TIRAP: variants seen among roughly 807,000 people sequenced by gnomAD.
The protein encoded by TIRAP is TIR domain containing adaptor protein.
In TIRAP, 20 loss-of-function variants were observed where a neutral mutation model predicts 19.8. That is an observed-to-expected ratio of 1.01 (90% CI 0.71 to 1.47). The LOEUF (loss-of-function observed/expected upper bound fraction) is 1.47. TIRAP is among the 40% of genes most tolerant of loss of function. TIRAP has a pLI of 0.00. For missense variants in TIRAP, 276 were observed against 285.1 expected (o/e 0.97, Z 0.23); for synonymous variants, 125 against 121.7 (o/e 1.03, Z -0.18).
intron 3 of TIRAP, 64 bp from the exon 4 acceptor site, chr11:126,292,413 C>T: frequency 1.3e-6 from 2 of 1,572,606 alleles, no homozygotes; most frequent in South Asian, 1.2e-5. Context: ...GGGGCTCCTC[C>T]CTGTGTGGGC....
At chr11:126,284,215 G>A (rs1396752784) in intron 1 of TIRAP, among the ~76,000 whole-genome samples, 1 of 152,008 alleles carries the variant, frequency 6.6e-6, no homozygotes, top group East Asian at 1.9e-4. Context: ...TGCATTTTCA[G>A]TAGCGACGGG....
In TIRAP at chr11:126,293,728, T is replaced by C; in HGVS notation, c.*41T>C. The C allele has an allele frequency of 6.2e-7, 1 of 1,612,586 alleles. No homozygotes were observed. Among genetic ancestry groups the C allele is most frequent in the Non-Finnish European group, 8.5e-7 (1 of 1,178,592 alleles). On this transcript the variant is annotated 3_prime_UTR_variant, in exon 5 of 5. Coordinates refer to ENST00000392679, the MANE Select transcript of TIRAP (RefSeq NM_001318777.2). ...GGGACCCCGGAAATTGGAGTGAAGC[T>C]AGAAACAGAAAACCCATGCAGGGCC...
Position 126,291,702 on chromosome 11 carries a change from C to CTTA in TIRAP, c.67+741_67+742insTTA, listed in dbSNP as rs1951390693. ...CTCCGTACCCCTTCCTTCCTGTATA[C>CTTA]GTAGCCCTTCCTAATCTAAGTCCAC... On this transcript the variant is annotated intron_variant, in intron 3 of 4. Transcript: ENST00000392679. This position sits in a 1 kb window ranked among gnomAD's most constrained non-coding sequence, Gnocchi z 5.6. 3.8e-5 allele frequency: 14 copies of CTTA among 369,756 alleles called. No individual in the cohort carries two copies. Among genetic ancestry groups the CTTA allele is most frequent in the South Asian group, 2.7e-4 (14 of 51,086 alleles). The allele number at this position is 369,756 out of a possible 1,614,324, so 22.9% of individuals were successfully genotyped here.
chr11:126,292,773 G>A lies in TIRAP; in HGVS notation c.364G>A (p.Asp122Asn). 2 of 1,613,070 alleles carry A rather than the reference G, an allele frequency of 1.2e-6. No homozygotes were observed. The highest frequency in any genetic ancestry group is 1.1e-5 in the South Asian group (1 of 90,920). ...ASLRCFLQLR[D>N]ATPGGAIVSE... ...CCTGCGCTGCTTCCTGCAACTCCGG[G>A]ATGCAACCCCAGGCGGCGCTATAGT... Residue 122 changes from aspartate to asparagine, a missense_variant, in exon 4 of 5, where the codon GAT (aspartate) becomes AAT (asparagine). Transcript: ENST00000392679.
In TIRAP at chr11:126,292,853, G is replaced by A. The variant is rs1447855058; in HGVS notation, c.444G>A (p.Thr148=). Residue 148 remains threonine, a synonymous_variant, in exon 4 of 5, where the codon ACG becomes ACA. Transcript: ENST00000392679. ...SSSHCRVLLI[T]PGFLQDPWCK... is the part of the protein sequence containing the mutation. ...GTCACTGCCGGGTGCTGCTCATCAC[G>A]CCGGGCTTCCTTCAGGACCCCTGGT... is the stretch of plus-strand genomic sequence containing the variant. 5.0e-6 allele frequency: 8 copies of A among 1,613,104 alleles called. No individual in the cohort carries two copies. Among genetic ancestry groups the A allele is most frequent in the South Asian group, 1.1e-5 (1 of 91,020 alleles).
chr11:126,285,260 T>TATATATATATATAAAA (rs773653398), intron 1 of TIRAP, among the ~76,000 whole-genome samples: 9 of 135,454 alleles, frequency 6.6e-5, no homozygotes, highest in Non-Finnish European at 9.6e-5. Context: ...TATATATATA[T>TATATATATATATAAAA]AATATATATT....
chr11:126,293,707 C>A lies in TIRAP; in HGVS notation c.*20C>A. On this transcript the variant is annotated 3_prime_UTR_variant, in exon 5 of 5. Coordinates refer to ENST00000392679, the MANE Select transcript of TIRAP (RefSeq NM_001318777.2). ...AGTTGACACTTGTTATATCATGGGA[C>A]CCCGGAAATTGGAGTGAAGCTAGAA... 2 of 1,613,980 alleles carry A rather than the reference C, an allele frequency of 1.2e-6. No homozygotes were observed. The highest frequency in any genetic ancestry group is 1.7e-6 in the Non-Finnish European group (2 of 1,179,882).
chr11:126,285,243 G>GTGTATATATA, intron 1 of TIRAP, among the ~76,000 whole-genome samples: 4 of 106,976 alleles, frequency 3.7e-5, no homozygotes, highest in East Asian at 2.6e-4. Flanking sequence ...GTGTGTGTGT[G>GTGTATATATA]TATATATATA....
chr11:126,286,054 GAAAAAAA>G (rs1182840430), intron 1 of TIRAP, among the ~76,000 whole-genome samples: 1 of 48,326 alleles, frequency 2.1e-5, no homozygotes, highest in African/African-American at 8.5e-5. Flanking sequence ...ACCCTCTCTG[GAAAAAAA>G]AAAAAAAAAA....
chr11:126,284,011 T>A (rs1951286360), intron 1 of TIRAP, among the ~76,000 whole-genome samples: 1 of 151,076 alleles, frequency 6.6e-6, no homozygotes. Flanking sequence ...TTTCCATCCA[T>A]GGAATCATAT....
In TIRAP at chr11:126,291,125, T is replaced by C; in HGVS notation, c.67+164T>C. Reference sequence around the variant, plus strand: ...CAGGGCCTGGATGCTTTGTGGAGAGTGAGGAGGGGAGGCCTGCGTCAGCTC... The same window carrying C: ...CAGGGCCTGGATGCTTTGTGGAGAGCGAGGAGGGGAGGCCTGCGTCAGCTC... On this transcript the variant is annotated intron_variant, in intron 3 of 4. Coordinates refer to ENST00000392679, the MANE Select transcript of TIRAP (RefSeq NM_001318777.2). The surrounding 1 kb of genome is among the most constrained non-coding windows in gnomAD (Gnocchi z 5.6). 1.2e-6 allele frequency: 1 copy of C among 827,166 alleles called. No individual in the cohort carries two copies. The highest frequency in any genetic ancestry group is 1.8e-6 in the Non-Finnish European group (1 of 544,188). The allele number at this position is 827,166 out of a possible 1,614,324, so 51.2% of individuals were successfully genotyped here. A position where few individuals can be genotyped will look rare whatever the true frequency, so the allele number is the denominator to read the frequency against.
intron 1 of TIRAP, chr11:126,289,572 C>A: frequency 1.1e-6 from 1 of 871,226 alleles, no homozygotes; most frequent in Non-Finnish European, 1.4e-6. Flanking sequence ...GCCATTGTGC[C>A]TGGCCACATT....
chr11:126,283,548 G>T (rs1254548320), intron 1 of TIRAP, among the ~76,000 whole-genome samples: 1 of 152,230 alleles, frequency 6.6e-6, no homozygotes, highest in Non-Finnish European at 1.5e-5. Flanking sequence ...CATTGTGGCA[G>T]TGATTCAGCA....
intron 1 of TIRAP, among the ~76,000 whole-genome samples, chr11:126,284,849 G>A (rs556376399): frequency 4.2e-5 from 5 of 119,516 alleles, no homozygotes; most frequent in East Asian, 2.1e-4. Context: ...GGGAGACTCC[G>A]TCTCAAAAAA....
At chr11:126,293,237 C>A in intron 4 of TIRAP, 182 bp downstream of exon 4, 2 of 1,087,116 alleles carry the variant, frequency 1.8e-6, no homozygotes, top group East Asian at 2.6e-5. Flanking sequence ...GGCCAAGTTA[C>A]TCACCCGCTC....
chr11:126,285,773 C>T (rs557779317), intron 1 of TIRAP, among the ~76,000 whole-genome samples: 1 of 151,826 alleles, frequency 6.6e-6, no homozygotes, highest in African/African-American at 2.4e-5. Context: ...CATGGTGGCT[C>T]ATGCCTGTAA....
chr11:126,288,548 C>T lies in TIRAP; in HGVS notation c.-216-1914C>T, dbSNP rs948603286. ...TGTATGGTTACTGGAATTTACCTGC[C>T]ATCTTGCTCAATTATCCTGTCAAAG... On this transcript the variant is annotated intron_variant, in intron 1 of 4. Transcript: ENST00000392679. This position sits in a 1 kb window ranked among gnomAD's most constrained non-coding sequence, Gnocchi z 5.0. 1.3e-5 allele frequency: 2 copies of T among 152,192 alleles called. No individual in the cohort carries two copies. The highest frequency in any genetic ancestry group is 4.8e-5 in the African/African-American group (2 of 41,448). 9.4% of individuals were successfully genotyped at this position (152,192 alleles called of 1,614,324 possible).
Position 126,294,883 on chromosome 11 carries a change from G to T in TIRAP, c.*1196G>T, listed in dbSNP as rs972514804. 4.5e-6 allele frequency: 1 copy of T among 222,024 alleles called. No individual in the cohort carries two copies. The highest frequency in any genetic ancestry group is 2.3e-5 in the African/African-American group (1 of 42,692). 13.8% of individuals were successfully genotyped at this position (222,024 alleles called of 1,614,324 possible). A position where few individuals can be genotyped will look rare whatever the true frequency, so the allele number is the denominator to read the frequency against. On this transcript the variant is annotated 3_prime_UTR_variant, in exon 5 of 5. Coordinates refer to ENST00000392679, the MANE Select transcript of TIRAP (RefSeq NM_001318777.2). ...GGCCGAGGCAGGTGGATCACCTGAGGTCAGGAGTTCAAGACTAGCCTGGCC... is the reference window on the plus strand; with the variant it reads ...GGCCGAGGCAGGTGGATCACCTGAGTTCAGGAGTTCAAGACTAGCCTGGCC...
At position 126,291,325 on chromosome 11, in the gene TIRAP, A is replaced by G. The variant is rs1951382166; in HGVS notation, c.67+364A>G. Reference sequence around the variant, plus strand: ...GAGAGAAAATGAATCAATCCCCACCACAACTATCTGTCCTTATCAAAGGCT... The same window carrying G: ...GAGAGAAAATGAATCAATCCCCACCGCAACTATCTGTCCTTATCAAAGGCT... On this transcript the variant is annotated intron_variant, in intron 3 of 4. Coordinates refer to ENST00000392679, the MANE Select transcript of TIRAP (RefSeq NM_001318777.2). This position sits in a 1 kb window ranked among gnomAD's most constrained non-coding sequence, Gnocchi z 5.6. 4.3e-6 allele frequency: 3 copies of G among 691,886 alleles called. No individual in the cohort carries two copies. Among genetic ancestry groups the G allele is most frequent in the Admixed American group, 2.5e-5 (1 of 40,706 alleles). 42.9% of individuals were successfully genotyped at this position (691,886 alleles called of 1,614,324 possible).
Sources: gnomAD v4.1 joint callset for allele counts (sites outside exome capture counted in the v4.1 genomes callset) on GRCh38, gnomAD v4.1.1 for gene constraint, Gnocchi (gnomAD v3.1) non-coding constraint, MANE v1.5 for transcripts, NCBI Gene and HGNC (gene_info 2026-07-23, HGNC 2026-07-21) for gene names.